SPG7: variants seen among roughly 807,000 people sequenced by gnomAD.
SPG7 encodes the protein SPG7 matrix AAA peptidase subunit, paraplegin.
Under a neutral mutation model 81.9 loss-of-function variants are expected in SPG7, and 103 were observed. The ratio of observed to expected loss-of-function variants is 1.26; its 90% CI spans 1.07 to 1.48. The LOEUF (loss-of-function observed/expected upper bound fraction) is 1.48. Among genes scored for constraint, SPG7 ranks in the 40% most tolerant of loss-of-function variants. The pLI is 0.00. For missense variants in SPG7, 1,241 were observed against 1,087.3 expected, an observed-to-expected ratio of 1.14 and a Z score of -1.99; for synonymous variants, 534 against 444.2, an observed-to-expected ratio of 1.20 and a Z score of -2.54.
chr16:89,547,540 G>T, intron 11 of SPG7: 1 of 221,272 alleles, frequency 4.5e-6, no homozygotes, highest in South Asian at 6.0e-5. Flanking sequence ...AGCTCCCCGT[G>T]CCTCTCTCCC....
At chr16:89,552,750 T>C in intron 13 of SPG7, 1 of 573,236 alleles carries the variant, frequency 1.7e-6, no homozygotes. Flanking sequence ...TAGTCATGTA[T>C]GAGAAGACAC....
In SPG7 at chr16:89,524,953, C is replaced by CTT. The variant is rs34661848; in HGVS notation, c.618+722_618+723dup. On this transcript the variant is annotated intron_variant, in intron 4 of 16. Transcript: ENST00000645818. ...CAGAATGCTTTTTCCTTTTCTTTTG[C>CTT]TTTTTTTTTTTTTTTTTGGAGACAG... Among the ~76,000 whole-genome samples, 994 of 118,898 alleles carry CTT rather than the reference C, an allele frequency of 8.4e-3. 28 individuals are homozygous for CTT. The highest frequency in any genetic ancestry group is 0.011 in the Non-Finnish European group (655 of 57,490). 78.0% of individuals were successfully genotyped at this position (118,898 alleles called of 152,430 possible). A position where few individuals can be genotyped will look rare whatever the true frequency, so the allele number is the denominator to read the frequency against.
At chr16:89,529,980 C>T (rs2058318607) in intron 6 of SPG7, 3 of 318,606 alleles carry the variant, frequency 9.4e-6, no homozygotes, top group Non-Finnish European at 1.8e-5. Context: ...GCTGGGATTA[C>T]AGGCACGCGC....
chr16:89,531,504 G>T, intron 7 of SPG7: 1 of 267,486 alleles, frequency 3.7e-6, no homozygotes, highest in Non-Finnish European at 7.4e-6. Flanking sequence ...CTCCCGAGTA[G>T]CAGGGATCAC....
At position 89,508,712 on chromosome 16, in the gene SPG7, C is replaced by T. The variant is rs1272159540; in HGVS notation, c.183+112C>T. 7 of 1,110,862 alleles carry T rather than the reference C, an allele frequency of 6.3e-6. No homozygotes were observed. In the East Asian group the frequency reaches 1.3e-4, roughly 21 times the overall value. The allele number at this position is 1,110,862 out of a possible 1,614,324, so 68.8% of individuals were successfully genotyped here. A position where few individuals can be genotyped will look rare whatever the true frequency, so the allele number is the denominator to read the frequency against. On this transcript the variant is annotated intron_variant, in intron 1 of 16. Coordinates refer to ENST00000645818, the MANE Select transcript of SPG7 (RefSeq NM_003119.4). Reference sequence around the variant, plus strand: ...GGCCCCTGCGGCGGGGGAGCCTGCGCCTGTGGGCCCGCGGATCCCCCAGCT... The same window carrying T: ...GGCCCCTGCGGCGGGGGAGCCTGCGTCTGTGGGCCCGCGGATCCCCCAGCT...
At chr16:89,549,046 G>T (rs1023661596) in intron 12 of SPG7, 1 of 456,346 alleles carries the variant, frequency 2.2e-6, no homozygotes, top group African/African-American at 2.0e-5. Context: ...TGCTGTGCCA[G>T]ACACTGCAAA....
Position 89,526,397 on chromosome 16 carries a change from T to C in SPG7, c.687T>C (p.Ala229=). 6.2e-7 allele frequency: 1 copy of C among 1,614,204 alleles called. No homozygotes were observed. Among genetic ancestry groups the C allele is most frequent in the Non-Finnish European group, 8.5e-7 (1 of 1,180,038 alleles). The change falls in exon 5 of 17, where the codon GCT becomes GCC. Residue 229 remains alanine, a synonymous_variant. Coordinates refer to ENST00000645818, the MANE Select transcript of SPG7 (RefSeq NM_003119.4). The part of the protein sequence containing the change: ...IDKFEEKLRA[A]EDELNIEAKD... ...AGTTTGAAGAGAAGCTTCGAGCAGC[T>C]GAAGATGAGCTGAATATCGAGGCCA...
chr16:89,556,163 T>G (rs553552823), intron 16 of SPG7: 3 of 399,056 alleles, frequency 7.5e-6, no homozygotes, highest in East Asian at 7.1e-5. Flanking sequence ...CTCAGTGGGT[T>G]GCAGAACTTA....
intron 3 of SPG7, among the ~76,000 whole-genome samples, chr16:89,516,407 C>T (rs535562558): frequency 6.6e-6 from 1 of 151,850 alleles, no homozygotes; most frequent in South Asian, 2.1e-4. Context: ...AAAAAATTAG[C>T]CAGGTGTGGT....
rs939459589 is a variant in SPG7, at chr16:89,544,840, C to T, written c.1449+68C>T. On this transcript the variant is annotated intron_variant, in intron 10 of 16. Coordinates refer to ENST00000645818, the MANE Select transcript of SPG7 (RefSeq NM_003119.4). The stretch of plus-strand genomic sequence containing the variant: ...CCCCCACTCGCTCTGAGTGGTCTGG[C>T]CTCTCCTCTAAGACACTTCTTGGTG... The T allele has an allele frequency of 3.8e-6, 6 of 1,587,202 alleles. No individual in the cohort carries two copies. The Admixed American group carries it at 5.0e-5, about 13-fold the overall frequency.
In SPG7 at chr16:89,553,672, G is replaced by A. The variant is rs561740006; in HGVS notation, c.1937-122G>A. On this transcript the variant is annotated intron_variant, in intron 14 of 16. Transcript: ENST00000645818. The stretch of plus-strand genomic sequence containing the variant: ...TCCTCACTGTCCAGCTTCACGGTGG[G>A]TCCTCGGGAGGAAGGGGATGGAGGT... 6.8e-5 allele frequency: 63 copies of A among 925,950 alleles called. No homozygotes were observed. The African/African-American group carries it at 9.2e-4, about 14-fold the overall frequency. The allele number at this position is 925,950 out of a possible 1,614,324, so 57.4% of individuals were successfully genotyped here. A position where few individuals can be genotyped will look rare whatever the true frequency, so the allele number is the denominator to read the frequency against.
intron 2 of SPG7, among the ~76,000 whole-genome samples, chr16:89,512,562 C>T (rs187892017): frequency 1.1e-4 from 16 of 152,330 alleles, no homozygotes; most frequent in Admixed American, 2.6e-4. Context: ...CCACCTGCCT[C>T]GGTCTCCCAA....
At position 89,557,147 on chromosome 16, in the gene SPG7, G is replaced by C; in HGVS notation, c.*54G>C. The C allele has an allele frequency of 7.1e-7, 1 of 1,417,082 alleles. No individual in the cohort carries two copies. The highest frequency in any genetic ancestry group is 2.3e-5 in the East Asian group (1 of 43,428). 87.8% of individuals were successfully genotyped at this position (1,417,082 alleles called of 1,614,324 possible). A position where few individuals can be genotyped will look rare whatever the true frequency, so the allele number is the denominator to read the frequency against. ...GGTCCGGGAAGTGAGGGCTCACTCA[G>C]CCACCCTGAGTTGCTTTTCAGCTGA... is the stretch of plus-strand genomic sequence containing the variant. On this transcript the variant is annotated 3_prime_UTR_variant, in exon 17 of 17. Coordinates refer to ENST00000645818, the MANE Select transcript of SPG7 (RefSeq NM_003119.4).
At chr16:89,536,926 T>C (rs367560571) in intron 9 of SPG7, 1 of 1,614,128 alleles carries the variant, frequency 6.2e-7, no homozygotes, top group Non-Finnish European at 8.5e-7. Flanking sequence ...GAGACCACCT[T>C]TTTGAGTGAC....
chr16:89,532,186 A>G (rs1391254664), intron 8 of SPG7, 120 bp downstream of exon 8: 1 of 1,158,452 alleles, frequency 8.6e-7, no homozygotes, highest in Non-Finnish European at 1.2e-6. Context: ...TAGAGAAGGA[A>G]AGCGAGGTCT....
At position 89,532,617 on chromosome 16, in the gene SPG7, G is replaced by T. The variant is rs559906913; in HGVS notation, c.1305G>T (p.Gln435His). 62 of 1,613,578 alleles carry T rather than the reference G, an allele frequency of 3.8e-5. No homozygotes were observed. Among genetic ancestry groups the T allele is most frequent in the Non-Finnish European group, 5.1e-5 (60 of 1,180,048 alleles). The change falls in exon 9 of 17, where the codon CAG (glutamine) becomes CAT (histidine). Residue 435 changes from glutamine (Q) to histidine (H), a missense_variant. By Grantham distance (24) the Gln-to-His change is conservative. Transcript: ENST00000645818. ...CGGAGGAGGAGCAGACGCTCAACCAGCTTCTGGTAGAAATGGATGGTCAGT... is the reference window on the plus strand; with the variant it reads ...CGGAGGAGGAGCAGACGCTCAACCATCTTCTGGTAGAAATGGATGGTCAGT... The part of the protein sequence containing the change: ...SNTEEEQTLN[Q>H]LLVEMDGMGT...
chr16:89,509,171 G>A (rs572935566), intron 1 of SPG7, among the ~76,000 whole-genome samples: 4 of 152,142 alleles, frequency 2.6e-5, no homozygotes, highest in African/African-American at 9.7e-5. Context: ...CCGAAAACCA[G>A]ACCTTGTGTC....
chr16:89,547,838 C>G (rs1229961162), intron 11 of SPG7, 165 bp from the exon 12 acceptor site: 1 of 671,712 alleles, frequency 1.5e-6, no homozygotes, highest in Non-Finnish European at 2.7e-6. Context: ...GTCTCAAACT[C>G]CTGACCTCAG....
Position 89,529,535 on chromosome 16 carries a change from C to T in SPG7, c.817C>T (p.Arg273Cys), listed in dbSNP as rs748547018. Residue 273 changes from arginine (R) to cysteine (C), a missense_variant, in exon 6 of 17, where the codon CGT becomes TGT. Physicochemically the swap from Arg to Cys is radical, Grantham distance 180. Transcript: ENST00000645818. ...CCTGGCCATCCTGTGGTATGTTTTC[C>T]GTCTGGCCGGGATGACTGGAAGGGA... is the stretch of plus-strand genomic sequence containing the variant. ...VGLAILWYVF[R>C]LAGMTGREGG... 1.9e-6 allele frequency: 3 copies of T among 1,613,894 alleles called. No homozygotes were observed. Among genetic ancestry groups the T allele is most frequent in the Admixed American group, 1.7e-5 (1 of 59,982 alleles).
Sources: gnomAD v4.1 joint callset for allele counts (sites outside exome capture counted in the v4.1 genomes callset) on GRCh38, gnomAD v4.1.1 for gene constraint, MANE v1.5 for transcripts, NCBI Gene and HGNC (gene_info 2026-07-23, HGNC 2026-07-21) for gene names.